Variants in GALNT13 observed in about 807,000 individuals in gnomAD.
The protein encoded by GALNT13 is UDP-GalNAc:polypeptide N-acetylgalactosaminyltransferase 13.
GALNT13 carries 28 observed loss-of-function variants against 64.2 expected under a neutral mutation model. That is an observed-to-expected ratio of 0.44 (90% CI 0.32 to 0.60). The LOEUF (loss-of-function observed/expected upper bound fraction) is 0.60, where lower values mean the gene tolerates loss of function less well. GALNT13 is among the 20% of genes least tolerant of loss of function. The probability of loss-of-function intolerance (pLI) is 0.05; values close to 1 mark genes in which losing one functional copy is unlikely to be tolerated. For synonymous variants in GALNT13, 214 were observed against 224.6 expected (o/e 0.95, Z 0.42); for missense variants, 577 against 669.8 (o/e 0.86, Z 1.53).
the GALNT13 span, among the ~76,000 whole-genome samples, chr2:153,365,519 T>C: frequency 1.3e-5 from 2 of 151,972 alleles, no homozygotes; most frequent in East Asian, 3.9e-4. Context: ...ACATCCAGAG[T>C]CTACAAGGGA....
chr2:154,444,650 A>G (rs532309012), intron 12 of GALNT13, among the ~76,000 whole-genome samples: 33 of 152,256 alleles, frequency 2.2e-4, no homozygotes, highest in Admixed American at 2.0e-3. Flanking sequence ...TTTCACTTCT[A>G]AGAATCATTT....
At chr2:153,824,111 A>G in the GALNT13 span, among the ~76,000 whole-genome samples, 1 of 152,196 alleles carries the variant, frequency 6.6e-6, no homozygotes, top group South Asian at 2.1e-4. Flanking sequence ...AAAAAGCCAT[A>G]AACAACAAAT....
the GALNT13 span, among the ~76,000 whole-genome samples, chr2:153,689,225 T>G: frequency 5.3e-5 from 8 of 152,000 alleles, no homozygotes; most frequent in Non-Finnish European, 1.2e-4. Flanking sequence ...CAAAACTTTG[T>G]ATTCCCATTT....
At chr2:153,460,134 A>T in the GALNT13 span, among the ~76,000 whole-genome samples, 2 of 152,088 alleles carry the variant, frequency 1.3e-5, no homozygotes, top group South Asian at 4.1e-4. Context: ...TCTTTTTATG[A>T]TAACTTATTT....
At chr2:153,751,301 T>C in the GALNT13 span, among the ~76,000 whole-genome samples, 3 of 151,974 alleles carry the variant, frequency 2.0e-5, no homozygotes, top group Admixed American at 2.0e-4. Flanking sequence ...GGATGATATG[T>C]TCTGTAAATA....
the GALNT13 span, among the ~76,000 whole-genome samples, chr2:153,275,534 A>G: frequency 2.0e-5 from 3 of 152,178 alleles, no homozygotes; most frequent in South Asian, 2.1e-4. Flanking sequence ...TGGACTTCTC[A>G]GCCTCCAGAA....
In GALNT13 at chr2:153,879,560, A is replaced by G. The variant is rs541662073; in HGVS notation, c.-177+7257A>G. Among the ~76,000 whole-genome samples, 379 of 150,760 alleles carry G rather than the reference A, an allele frequency of 2.5e-3. 2 individuals are homozygous for G. Among genetic ancestry groups the G allele is most frequent in the Admixed American group, 7.1e-3 (108 of 15,156 alleles). ...TTAATTTTTTTTTTTTTTGGTAGAG[A>G]CAGAGTCTCACTATGTTGCCCAGGC... is the stretch of plus-strand genomic sequence containing the variant. On this transcript the variant is annotated intron_variant, in intron 1 of 12. Coordinates refer to ENST00000392825, the MANE Select transcript of GALNT13 (RefSeq NM_052917.4).
chr2:154,153,789 G>A (rs952151126), intron 4 of GALNT13, among the ~76,000 whole-genome samples: 4 of 152,302 alleles, frequency 2.6e-5, no homozygotes, highest in South Asian at 2.1e-4. Flanking sequence ...TTGGAAAAGC[G>A]CAGTATTAGG....
intron 4 of GALNT13, among the ~76,000 whole-genome samples, chr2:154,220,302 G>C (rs188258318): frequency 6.6e-6 from 1 of 152,170 alleles, no homozygotes; most frequent in East Asian, 1.9e-4. Flanking sequence ...GTCATTTGTA[G>C]AGATTAGAAA....
At chr2:154,322,950 G>A (rs1479478694) in intron 9 of GALNT13, among the ~76,000 whole-genome samples, 2 of 151,906 alleles carry the variant, frequency 1.3e-5, no homozygotes, top group Non-Finnish European at 2.9e-5. Flanking sequence ...CAACTGAAAT[G>A]TTTATCTGTG....
intron 3 of GALNT13, among the ~76,000 whole-genome samples, chr2:153,988,174 A>G (rs1249742108): frequency 6.6e-6 from 1 of 151,784 alleles, no homozygotes; most frequent in African/African-American, 2.4e-5. Flanking sequence ...GTTTTATGGT[A>G]AAACATTTGT....
At chr2:153,531,274 G>C in the GALNT13 span, among the ~76,000 whole-genome samples, 1 of 152,144 alleles carries the variant, frequency 6.6e-6, no homozygotes, top group African/African-American at 2.4e-5. Context: ...TCAGCTTCTG[G>C]GGAAGCCTCA....
At chr2:153,921,589 C>T (rs142427421) in intron 2 of GALNT13, among the ~76,000 whole-genome samples, 1 of 152,200 alleles carries the variant, frequency 6.6e-6, no homozygotes, top group African/African-American at 2.4e-5. Context: ...TATAACAAAA[C>T]TGCACATGCA....
At chr2:154,032,086 A>G (rs1261927358) in intron 3 of GALNT13, among the ~76,000 whole-genome samples, 1 of 151,948 alleles carries the variant, frequency 6.6e-6, no homozygotes, top group Admixed American at 6.6e-5. Context: ...TGCAAATTAA[A>G]TCCAGGACAA....
chr2:153,236,352 G>T, the GALNT13 span, among the ~76,000 whole-genome samples: 1 of 152,114 alleles, frequency 6.6e-6, no homozygotes, highest in South Asian at 2.1e-4. Flanking sequence ...AATGTAGATG[G>T]AACAGCTTTA....
chr2:153,856,626 T>G, the GALNT13 span, among the ~76,000 whole-genome samples: 1 of 152,150 alleles, frequency 6.6e-6, no homozygotes, highest in South Asian at 2.1e-4. Context: ...AAATTTCTTG[T>G]CTAGGTGAAG....
the GALNT13 span, among the ~76,000 whole-genome samples, chr2:153,483,254 T>G: frequency 2.6e-5 from 4 of 152,090 alleles, no homozygotes; most frequent in African/African-American, 9.7e-5. Context: ...AATCATGTAC[T>G]TAAACAGGGA....
intron 3 of GALNT13, among the ~76,000 whole-genome samples, chr2:154,125,434 G>T (rs1682204360): frequency 6.6e-6 from 1 of 152,148 alleles, no homozygotes; most frequent in East Asian, 1.9e-4. Flanking sequence ...TTGTTGAATT[G>T]AATTGATCTT....
the GALNT13 span, among the ~76,000 whole-genome samples, chr2:153,137,757 C>G: frequency 2.7e-5 from 4 of 150,816 alleles, no homozygotes; most frequent in Non-Finnish European, 4.4e-5. Flanking sequence ...ATTACTGTAA[C>G]CTACTTGTCT....
Sources: allele counts gnomAD v4.1 joint callset (sites outside exome capture counted in the v4.1 genomes callset), GRCh38; gene constraint gnomAD v4.1.1; transcripts MANE v1.5; gene names NCBI Gene and HGNC (gene_info 2026-07-23, HGNC 2026-07-21).